The following TNFRSF21 variants were observed in gnomAD, a reference collection of about 807,000 sequenced individuals.
TNFRSF21 encodes tumor necrosis factor receptor superfamily member 21.
In TNFRSF21, 19 loss-of-function variants were observed where a neutral mutation model predicts 45.6. The observed-to-expected ratio is 0.42, with a 90% CI of 0.29 to 0.61. TNFRSF21 has a LOEUF of 0.61. TNFRSF21 is among the 20% of genes least tolerant of loss of function. TNFRSF21 has a pLI of 0.23. For synonymous variants in TNFRSF21, 314 were observed against 335.5 expected (o/e 0.94, Z 0.70); for missense variants, 737 against 851.5 (o/e 0.87, Z 1.67).
intron 1 of TNFRSF21, among the ~76,000 whole-genome samples, 187 bp downstream of exon 1, chr6:47,309,229 T>C (rs1561955932): frequency 6.6e-6 from 1 of 152,060 alleles, no homozygotes; most frequent in Non-Finnish European, 1.5e-5. Flanking sequence ...GCCCTGAGAT[T>C]CCCCCAAATA....
Position 47,258,048 on chromosome 6 carries a change from G to T in TNFRSF21, c.1244-4527C>A, listed in dbSNP as rs116522597. ...GGCCACAGTGTGTGTGCTGCCTCCTGGTCTGTTATTACTGACCAAGCATAT... is the reference window on the plus strand; with the variant it reads ...GGCCACAGTGTGTGTGCTGCCTCCTTGTCTGTTATTACTGACCAAGCATAT... On this transcript the variant is annotated intron_variant, in intron 3 of 5. Coordinates refer to ENST00000296861, the MANE Select transcript of TNFRSF21 (RefSeq NM_014452.5). Among the ~76,000 whole-genome samples the T allele has an allele frequency of 4.0e-3, 611 of 152,238 alleles. 3 individuals are homozygous for T. Among genetic ancestry groups the T allele is most frequent in the African/African-American group, 0.014 (576 of 41,526 alleles).
intron 1 of TNFRSF21, among the ~76,000 whole-genome samples, chr6:47,288,236 A>C (rs1762675570): frequency 6.6e-6 from 1 of 152,284 alleles, no homozygotes; most frequent in Non-Finnish European, 1.5e-5. Flanking sequence ...ATACAGCTCC[A>C]CATAGTAACA....
chr6:47,296,743 A>G (rs1475926587), intron 1 of TNFRSF21, among the ~76,000 whole-genome samples: 1 of 152,222 alleles, frequency 6.6e-6, no homozygotes, highest in Admixed American at 6.5e-5. Context: ...GGGGATGGGC[A>G]TGGAAGCTCC....
At chr6:47,242,339 G>C (rs1312811274) in intron 4 of TNFRSF21, among the ~76,000 whole-genome samples, 1 of 152,172 alleles carries the variant, frequency 6.6e-6, no homozygotes, top group Admixed American at 6.5e-5. Flanking sequence ...AGCTGGTCAC[G>C]GTGGGTTTCT....
chr6:47,294,963 T>C (rs1762774026), intron 1 of TNFRSF21, among the ~76,000 whole-genome samples: 1 of 152,238 alleles, frequency 6.6e-6, no homozygotes, highest in African/African-American at 2.4e-5. Context: ...GAAAATTTCA[T>C]TTATCCAAGA....
chr6:47,297,677 C>T (rs1015146550), intron 1 of TNFRSF21, among the ~76,000 whole-genome samples: 19 of 152,128 alleles, frequency 1.2e-4, no homozygotes, highest in Non-Finnish European at 2.4e-4. Flanking sequence ...CGTGTGCCAC[C>T]ATATCCAGCT....
intron 4 of TNFRSF21, among the ~76,000 whole-genome samples, chr6:47,244,476 TTG>T (rs1453652568): frequency 6.6e-6 from 1 of 152,230 alleles, no homozygotes; most frequent in Non-Finnish European, 1.5e-5. Context: ...TGTGATTATT[TTG>T]TCTTTTGATT....
chr6:47,245,477 TG>T (rs1764811937), intron 4 of TNFRSF21, among the ~76,000 whole-genome samples: 1 of 151,254 alleles, frequency 6.6e-6, no homozygotes, highest in African/African-American at 2.4e-5. Context: ...TGTGTGTGTG[TG>T]TTGGGCAGGG....
At chr6:47,234,149 T>C (rs1355335777) in intron 5 of TNFRSF21, among the ~76,000 whole-genome samples, 1 of 151,592 alleles carries the variant, frequency 6.6e-6, no homozygotes, top group African/African-American at 2.4e-5. Flanking sequence ...TAATTTTTCT[T>C]TTTTTTTAGT....
chr6:47,302,734 C>G (rs551052932), intron 1 of TNFRSF21, among the ~76,000 whole-genome samples: 1 of 152,312 alleles, frequency 6.6e-6, no homozygotes, highest in South Asian at 2.1e-4. Context: ...TAAAGTCATT[C>G]TCTTTACAGA....
Position 47,286,541 on chromosome 6 carries a change from T to C in TNFRSF21, c.151A>G (p.Ile51Val), listed in dbSNP as rs907468216. 5 of 1,612,846 alleles carry C rather than the reference T, an allele frequency of 3.1e-6. No homozygotes were observed. The highest frequency in any genetic ancestry group is 2.7e-5 in the African/African-American group (2 of 75,004). Residue 51 changes from isoleucine to valine, a missense_variant, in exon 2 of 6, where the codon ATT becomes GTT. Physicochemically the swap from Ile to Val is conservative, Grantham distance 29 (BLOSUM62 3). Coordinates refer to ENST00000296861, the MANE Select transcript of TNFRSF21 (RefSeq NM_014452.5). ...AQPEQKASNL[I>V]GTYRHVDRAT... ...CGGTCAACATGGCGGTATGTGCCAA[T>C]GAGATTCGAGGCCTTCTGTTCTGGC...
rs1428284544 is a variant in TNFRSF21, at chr6:47,280,383, C to T, written c.1243+3555G>A. Among the ~76,000 whole-genome samples, 4 of 152,268 alleles carry T rather than the reference C, an allele frequency of 2.6e-5. No individual in the cohort carries two copies. The East Asian group carries it at 7.7e-4, about 29-fold the overall frequency. On this transcript the variant is annotated intron_variant, in intron 3 of 5. Coordinates refer to ENST00000296861, the MANE Select transcript of TNFRSF21 (RefSeq NM_014452.5). ...CTGTTTCTAGAGGCCTCTCTGAGCA[C>T]CTGGAATAGCTTTACTAAACAGAAC...
intron 1 of TNFRSF21, among the ~76,000 whole-genome samples, chr6:47,305,993 T>C (rs1762935453): frequency 6.6e-6 from 1 of 152,160 alleles, no homozygotes; most frequent in Admixed American, 6.5e-5. Context: ...AGAGATATGA[T>C]ATAGCAAGGG....
chr6:47,286,795 G>C lies in TNFRSF21; in HGVS notation c.97-200C>G, dbSNP rs191495588. Among the ~76,000 whole-genome samples the C allele has an allele frequency of 9.2e-5, 14 of 152,216 alleles. No individual in the cohort carries two copies. In the East Asian group the frequency reaches 2.5e-3, roughly 27 times the overall value. ...AGACTTGGATCCCACCCTACAGCTT[G>C]ATCTACTGGCTGTGATGCTTTGGTT... On this transcript the variant is annotated intron_variant, in intron 1 of 5. Transcript: ENST00000296861.
At chr6:47,236,125 C>T (rs1271171897) in intron 4 of TNFRSF21, among the ~76,000 whole-genome samples, 3 of 152,216 alleles carry the variant, frequency 2.0e-5, no homozygotes, top group African/African-American at 7.2e-5. Context: ...CACACAGCTA[C>T]TGGCAGAAAG....
In TNFRSF21 at chr6:47,286,346, G is replaced by T; in HGVS notation, c.346C>A (p.Pro116Thr). 2 of 1,614,198 alleles carry T rather than the reference G, an allele frequency of 1.2e-6. No homozygotes were observed. Among genetic ancestry groups the T allele is most frequent in the Non-Finnish European group, 1.7e-6 (2 of 1,180,042 alleles). ...CHDCSQPCPWPMIEKLPCAAL... is the reference protein window; with the variant it reads ...CHDCSQPCPWTMIEKLPCAAL... ...GCACAAGGTAATTTCTCAATCATTG[G>T]CCATGGGCATGGCTGACTACAGTCA... The change falls in exon 2 of 6, where the codon CCA (proline) becomes ACA (threonine). Residue 116 changes from proline to threonine, a missense_variant. Transcript: ENST00000296861.
chr6:47,299,864 C>G lies in TNFRSF21; in HGVS notation c.96+9552G>C, dbSNP rs574240857. ...AAATTAATTCAGTTCTTCTGGACTA[C>G]AGTCTGGCAAATTCAGTTCTTCTGG... On this transcript the variant is annotated intron_variant, in intron 1 of 5. Transcript: ENST00000296861. Among the ~76,000 whole-genome samples the G allele has an allele frequency of 8.5e-5, 13 of 152,344 alleles. No individual in the cohort carries two copies. In the South Asian group the frequency reaches 2.5e-3, roughly 29 times the overall value.
chr6:47,303,884 T>C (rs1762905081), intron 1 of TNFRSF21, among the ~76,000 whole-genome samples: 1 of 152,260 alleles, frequency 6.6e-6, no homozygotes, highest in Non-Finnish European at 1.5e-5. Flanking sequence ...TCAGCAGCTG[T>C]TGCTGCTACA....
intron 3 of TNFRSF21, among the ~76,000 whole-genome samples, chr6:47,255,466 T>G (rs1007999419): frequency 2.0e-5 from 3 of 151,998 alleles, no homozygotes; most frequent in South Asian, 4.1e-4. Context: ...TTGGTTTTTT[T>G]TTTTGTTTTT....
Sources: allele counts gnomAD v4.1 joint callset (sites outside exome capture counted in the v4.1 genomes callset), GRCh38; gene constraint gnomAD v4.1.1; transcripts MANE v1.5; gene names NCBI Gene and HGNC (gene_info 2026-07-23, HGNC 2026-07-21).